DLG2: variants seen among roughly 807,000 people sequenced by gnomAD.
The protein encoded by DLG2 is disks large homolog 2.
In DLG2, 45 loss-of-function variants were observed where a neutral mutation model predicts 132.5. The ratio of observed to expected loss-of-function variants is 0.34; its 90% confidence interval spans 0.27 to 0.44. The LOEUF (loss-of-function observed/expected upper bound fraction) is 0.44. Among genes scored for constraint, DLG2 ranks in the 20% least tolerant of loss-of-function variants. The pLI, the probability that DLG2 is intolerant of heterozygous loss-of-function variation, is 1.00. For missense variants in DLG2, 1,045 were observed against 1,196.9 expected, an observed-to-expected ratio of 0.87 and a Z score of 1.87; for synonymous variants, 424 against 419.6, an observed-to-expected ratio of 1.01 and a Z score of -0.13.
At chr11:85,071,385 C>G (rs1234112567) in intron 6 of DLG2, among the ~76,000 whole-genome samples, 1 of 151,736 alleles carries the variant, frequency 6.6e-6, no homozygotes, top group South Asian at 2.1e-4. Flanking sequence ...GCAGATTTGG[C>G]TGTGAATTAT....
At chr11:84,607,217 T>C (rs2099587420) in intron 6 of DLG2, among the ~76,000 whole-genome samples, 1 of 152,148 alleles carries the variant, frequency 6.6e-6, no homozygotes, top group African/African-American at 2.4e-5. Context: ...ACAACTATAA[T>C]TCAAGTGATT....
At chr11:83,676,348 T>C (rs758723286) in intron 18 of DLG2, among the ~76,000 whole-genome samples, 7 of 152,190 alleles carry the variant, frequency 4.6e-5, no homozygotes, top group African/African-American at 1.7e-4. Flanking sequence ...CTTAACAATA[T>C]TGTGAGCTGA....
intron 19 of DLG2, among the ~76,000 whole-genome samples, chr11:83,594,276 T>C (rs2097247610): frequency 6.6e-6 from 1 of 152,248 alleles, no homozygotes; most frequent in Admixed American, 6.5e-5. Flanking sequence ...TTGTGAGTAC[T>C]GAGTGACTGT....
chr11:84,756,920 C>T (rs1165768654), intron 6 of DLG2, among the ~76,000 whole-genome samples: 2 of 152,158 alleles, frequency 1.3e-5, no homozygotes, highest in African/African-American at 4.8e-5. Context: ...CAAGGCATTA[C>T]AACTCCCAAT....
intron 7 of DLG2, among the ~76,000 whole-genome samples, chr11:84,317,702 AT>A (rs2098375093): frequency 6.6e-6 from 1 of 152,190 alleles, no homozygotes; most frequent in Non-Finnish European, 1.5e-5. Flanking sequence ...AATTTTCAAC[AT>A]TTATAAGAAT....
intron 3 of DLG2, among the ~76,000 whole-genome samples, chr11:85,511,146 C>T (rs2094057438): frequency 6.6e-6 from 1 of 152,048 alleles, no homozygotes; most frequent in African/African-American, 2.4e-5. Context: ...ACCGCATGTT[C>T]TCACTCATAG....
chr11:84,587,687 C>T (rs753970104), intron 6 of DLG2, among the ~76,000 whole-genome samples: 1 of 152,082 alleles, frequency 6.6e-6, no homozygotes, highest in Non-Finnish European at 1.5e-5. Context: ...CAGGTTTATT[C>T]CTTGGTCAGA....
chr11:84,353,243 A>G (rs1410582023), intron 7 of DLG2, among the ~76,000 whole-genome samples: 1 of 152,188 alleles, frequency 6.6e-6, no homozygotes, highest in East Asian at 1.9e-4. Flanking sequence ...TCCAATAGAC[A>G]GTTTTAGGAT....
intron 7 of DLG2, among the ~76,000 whole-genome samples, chr11:84,421,604 G>A (rs1447074824): frequency 6.6e-6 from 1 of 152,126 alleles, no homozygotes. Flanking sequence ...ATCTGAATCT[G>A]ATCTTATCAA....
chr11:84,397,606 G>T (rs1040903750), intron 7 of DLG2, among the ~76,000 whole-genome samples: 2 of 152,214 alleles, frequency 1.3e-5, no homozygotes, highest in African/African-American at 4.8e-5. Context: ...GACAAAAATG[G>T]AAGGAGCAGA....
chr11:84,983,794 A>G (rs548027487), intron 6 of DLG2, among the ~76,000 whole-genome samples: 37 of 152,322 alleles, frequency 2.4e-4, no homozygotes, highest in Middle Eastern at 6.8e-3. Flanking sequence ...AGACAGCATA[A>G]AGAAAAAACA....
chr11:84,905,781 G>A (rs937688917), intron 6 of DLG2, among the ~76,000 whole-genome samples: 13 of 152,102 alleles, frequency 8.5e-5, no homozygotes, highest in African/African-American at 2.7e-4. Context: ...AACTTTACAG[G>A]TTTTTACTCC....
chr11:85,515,785 T>A (rs761433384), intron 3 of DLG2, among the ~76,000 whole-genome samples: 2 of 152,002 alleles, frequency 1.3e-5, no homozygotes. Flanking sequence ...GTTTTATGAA[T>A]CTTCTATCCA....
chr11:83,645,043 T>C (rs2153495910), intron 18 of DLG2, among the ~76,000 whole-genome samples: 1 of 152,236 alleles, frequency 6.6e-6, no homozygotes, highest in African/African-American at 2.4e-5. Context: ...TAGGCATCTC[T>C]TTCACTGGTT....
At chr11:84,948,436 CAAAG>C (rs1165979220) in intron 6 of DLG2, among the ~76,000 whole-genome samples, 3 of 152,130 alleles carry the variant, frequency 2.0e-5, no homozygotes, top group African/African-American at 7.2e-5. Context: ...AAGACATGAC[CAAAG>C]AAAGCAAGGG....
At chr11:84,579,239 A>C (rs1411502020) in intron 6 of DLG2, among the ~76,000 whole-genome samples, 1 of 149,038 alleles carries the variant, frequency 6.7e-6, no homozygotes, top group Non-Finnish European at 1.5e-5. Flanking sequence ...TTTCTACACA[A>C]CTAATCCTAA....
chr11:83,707,238 G>A (rs975772791), intron 18 of DLG2, among the ~76,000 whole-genome samples: 4 of 152,120 alleles, frequency 2.6e-5, no homozygotes, highest in Admixed American at 6.5e-5. Context: ...CTCCTATATA[G>A]GAGAACAGAA....
chr11:84,417,121 A>G (rs563821023), intron 7 of DLG2, among the ~76,000 whole-genome samples: 2 of 152,318 alleles, frequency 1.3e-5, no homozygotes, highest in Non-Finnish European at 2.9e-5. Flanking sequence ...AGCACACAGT[A>G]AGGGCTCTGT....
chr11:85,182,962 G>A (rs1485206767), intron 4 of DLG2, among the ~76,000 whole-genome samples: 7 of 151,152 alleles, frequency 4.6e-5, no homozygotes, highest in South Asian at 4.2e-4. Flanking sequence ...AGAATGCTCC[G>A]GCTTATTACT....
Sources: allele counts gnomAD v4.1 joint callset (sites outside exome capture counted in the v4.1 genomes callset), GRCh38; gene constraint gnomAD v4.1.1; transcripts MANE v1.5; gene names NCBI Gene and HGNC (gene_info 2026-07-23, HGNC 2026-07-21).